GALNTL6: variants seen among roughly 807,000 people sequenced by gnomAD.
GALNTL6 encodes the protein polypeptide N-acetylgalactosaminyltransferase-like 6.
Under a neutral mutation model 73.7 loss-of-function variants are expected in GALNTL6, and 46 were observed. The ratio of observed to expected loss-of-function variants is 0.62; its 90% CI spans 0.49 to 0.80. The LOEUF is 0.80. GALNTL6 is among the 30% of genes least tolerant of loss of function. The pLI, the probability that GALNTL6 is intolerant of heterozygous loss-of-function variation, is 0.00. For missense variants in GALNTL6, 604 were observed against 755.0 expected, an observed-to-expected ratio of 0.80 and a Z score of 2.34; for synonymous variants, 259 against 263.7, an observed-to-expected ratio of 0.98 and a Z score of 0.17.
At chr4:173,033,585 G>A (rs925966607) in intron 12 of GALNTL6, among the ~76,000 whole-genome samples, 2 of 152,082 alleles carry the variant, frequency 1.3e-5, no homozygotes, top group Non-Finnish European at 2.9e-5. Flanking sequence ...CTAAGAGGTG[G>A]GAAAGCAGAT....
chr4:171,814,854 A>G (rs1179744634), intron 2 of GALNTL6, 136 bp downstream of exon 2: 10 of 811,064 alleles, frequency 1.2e-5, no homozygotes, highest in Non-Finnish European at 1.9e-5. Flanking sequence ...ACAAGACTCT[A>G]GAGACTTTGG....
intron 5 of GALNTL6, among the ~76,000 whole-genome samples, chr4:172,781,069 T>C (rs1281487470): frequency 2.6e-5 from 4 of 152,162 alleles, no homozygotes; most frequent in Non-Finnish European, 5.9e-5. Flanking sequence ...CCATCAGTGA[T>C]GTGATTGGTA....
chr4:172,410,130 TTTG>T (rs1744377919), intron 5 of GALNTL6, among the ~76,000 whole-genome samples: 1 of 152,034 alleles, frequency 6.6e-6, no homozygotes, highest in African/African-American at 2.4e-5. Context: ...TTATTAACTT[TTTG>T]TTATTTGAAA....
chr4:172,941,453 T>C (rs1193971175), intron 9 of GALNTL6, among the ~76,000 whole-genome samples: 3 of 152,246 alleles, frequency 2.0e-5, no homozygotes, highest in Non-Finnish European at 4.4e-5. Flanking sequence ...CAGTTTGTTT[T>C]GGTTATTCAC....
chr4:172,416,533 C>G (rs1730843764), intron 5 of GALNTL6, among the ~76,000 whole-genome samples: 1 of 151,984 alleles, frequency 6.6e-6, no homozygotes, highest in East Asian at 1.9e-4. Context: ...TGAGAAGCCC[C>G]CACCTTTTTC....
Position 172,622,925 on chromosome 4 carries a change from C to T in GALNTL6, c.554-186436C>T, listed in dbSNP as rs116364209. ...AAACTAAATGAACAAAAATTAAGTC[C>T]ATACCAAAAAAATTTGTGTTTTTTA... On this transcript the variant is annotated intron_variant, in intron 5 of 12. Transcript: ENST00000506823. Among the ~76,000 whole-genome samples the T allele has an allele frequency of 8.4e-3, 1,281 of 152,076 alleles. 21 individuals are homozygous for T. The highest frequency in any genetic ancestry group is 0.029 in the African/African-American group (1,215 of 41,466).
intron 2 of GALNTL6, among the ~76,000 whole-genome samples, chr4:172,135,760 CAAT>C (rs1176537471): frequency 8.5e-6 from 1 of 117,718 alleles, no homozygotes; most frequent in Non-Finnish European, 1.8e-5. Context: ...AGTAAAAATA[CAAT>C]AATAATCAAT....
chr4:172,181,876 C>T (rs111614573), intron 2 of GALNTL6, among the ~76,000 whole-genome samples: 5 of 151,846 alleles, frequency 3.3e-5, no homozygotes, highest in Non-Finnish European at 5.9e-5. Context: ...CCACCACGCC[C>T]GGCTAATTTT....
chr4:172,692,312 A>G (rs1733360019), intron 5 of GALNTL6, among the ~76,000 whole-genome samples: 2 of 152,130 alleles, frequency 1.3e-5, no homozygotes, highest in African/African-American at 2.4e-5. Context: ...GCAATTAAAT[A>G]TATATTATTA....
intron 8 of GALNTL6, among the ~76,000 whole-genome samples, chr4:172,914,748 G>T (rs1409123090): frequency 6.6e-6 from 1 of 152,156 alleles, no homozygotes; most frequent in East Asian, 1.9e-4. Flanking sequence ...GATTCATAAA[G>T]CAAGTCCTTA....
chr4:172,402,553 C>A (rs1744079958), intron 5 of GALNTL6, among the ~76,000 whole-genome samples: 1 of 152,022 alleles, frequency 6.6e-6, no homozygotes, highest in African/African-American at 2.4e-5. Context: ...TCCTTAAATT[C>A]TTCAATAAAA....
intron 5 of GALNTL6, among the ~76,000 whole-genome samples, chr4:172,745,384 C>T (rs1737049966): frequency 6.7e-6 from 1 of 150,046 alleles, no homozygotes; most frequent in African/African-American, 2.5e-5. Context: ...GTTATTATTA[C>T]TAGGTGAAAT....
chr4:172,618,006 A>G (rs928587854), intron 5 of GALNTL6, among the ~76,000 whole-genome samples: 12 of 152,160 alleles, frequency 7.9e-5, no homozygotes, highest in Non-Finnish European at 1.5e-4. Context: ...TCCTTCTCCA[A>G]AAGATTCTCA....
intron 5 of GALNTL6, among the ~76,000 whole-genome samples, chr4:172,357,091 C>T (rs190836797): frequency 2.5e-4 from 38 of 152,226 alleles, no homozygotes; most frequent in African/African-American, 8.9e-4. Context: ...ATGACTTTAG[C>T]ACACCAATTC....
At chr4:172,474,708 T>C (rs1733170952) in intron 5 of GALNTL6, among the ~76,000 whole-genome samples, 1 of 152,214 alleles carries the variant, frequency 6.6e-6, no homozygotes, top group Admixed American at 6.5e-5. Context: ...AGGAATATAA[T>C]ATTTATAGAT....
chr4:172,046,952 A>T (rs1742238344), intron 2 of GALNTL6, among the ~76,000 whole-genome samples: 1 of 152,166 alleles, frequency 6.6e-6, no homozygotes. Flanking sequence ...TTTGTCAAAC[A>T]TGACATCTAA....
At chr4:172,137,510 G>A (rs560375048) in intron 2 of GALNTL6, among the ~76,000 whole-genome samples, 30 of 152,224 alleles carry the variant, frequency 2.0e-4, no homozygotes, top group Admixed American at 1.5e-3. Flanking sequence ...AACAAATGAC[G>A]TCTATTTAGA....
In GALNTL6 at chr4:172,299,627, C is replaced by G. The variant is rs1739830983; in HGVS notation, c.248-11987C>G. Among the ~76,000 whole-genome samples the G allele has an allele frequency of 7.9e-5, 12 of 152,204 alleles. No homozygotes were observed. In the South Asian group the frequency reaches 2.5e-3, roughly 32 times the overall value. On this transcript the variant is annotated intron_variant, in intron 3 of 12. Coordinates refer to ENST00000506823, the MANE Select transcript of GALNTL6 (RefSeq NM_001034845.3). ...TTTCTGCCTTCATTTCGTTATGTAC[C>G]CAGTGGTCATTCAGGAGCAGGTGGT...
Position 172,229,703 on chromosome 4 carries a change from T to C in GALNTL6, c.186T>C (p.Asp62=). The change falls in exon 3 of 13, where the codon GAT becomes GAC. Residue 62 remains aspartate (D), a synonymous_variant. Coordinates refer to ENST00000506823, the MANE Select transcript of GALNTL6 (RefSeq NM_001034845.3). ...ATGGGCAATTCTATTCATGGACAGA[T>C]GGTTTGAGAAGAAAGGACTGGCATG... is the stretch of plus-strand genomic sequence containing the variant. ...LGDGQFYSWT[D]GLRRKDWHDY... 4 of 1,613,902 alleles carry C rather than the reference T, an allele frequency of 2.5e-6. No homozygotes were observed. Among genetic ancestry groups the C allele is most frequent in the Non-Finnish European group, 3.4e-6 (4 of 1,179,856 alleles).
Sources: gnomAD v4.1 joint callset for allele counts (sites outside exome capture counted in the v4.1 genomes callset) on GRCh38, gnomAD v4.1.1 for gene constraint, MANE v1.5 for transcripts, NCBI Gene and HGNC (gene_info 2026-07-23, HGNC 2026-07-21) for gene names.